The following TENM3 variants were observed in gnomAD, a reference collection of about 807,000 sequenced individuals.
TENM3 encodes the protein teneurin-3.
A neutral mutation model predicts 255.1 loss-of-function variants in TENM3; 63 were observed. The ratio of observed to expected loss-of-function variants is 0.25; its 90% CI spans 0.20 to 0.30. TENM3 has a LOEUF of 0.30. Ranked by LOEUF, TENM3 falls within the 10% of genes least tolerant of loss-of-function variation. The probability of loss-of-function intolerance (pLI) is 1.00; values close to 1 mark genes in which losing one functional copy is unlikely to be tolerated. For missense variants in TENM3, 2,929 were observed against 3,461.1 expected (o/e 0.85, Z 3.86); for synonymous variants, 1,306 against 1,322.3 (o/e 0.99, Z 0.27).
At chr4:181,720,734 C>T in the TENM3 span, among the ~76,000 whole-genome samples, 4 of 152,066 alleles carry the variant, frequency 2.6e-5, no homozygotes, top group African/African-American at 9.6e-5. Context: ...TTTTTTGAAA[C>T]AGCCAAAAGT....
chr4:182,313,265 A>T (rs1006671761), intron 1 of TENM3, among the ~76,000 whole-genome samples: 7 of 151,912 alleles, frequency 4.6e-5, no homozygotes, highest in Non-Finnish European at 1.0e-4. Context: ...ATTCACAGTT[A>T]TTCAGTAGCT....
the TENM3 span, among the ~76,000 whole-genome samples, chr4:181,715,344 A>T: frequency 6.6e-6 from 1 of 152,190 alleles, no homozygotes; most frequent in South Asian, 2.1e-4. Flanking sequence ...TGCAGTGAAT[A>T]GCCTTGTGTC....
At chr4:182,234,281 T>A (rs1756759670) in intron 1 of TENM3, among the ~76,000 whole-genome samples, 2 of 152,186 alleles carry the variant, frequency 1.3e-5, no homozygotes, top group Admixed American at 1.3e-4. Flanking sequence ...GAGGGAATAG[T>A]CGTACAGAGC....
At chr4:182,579,980 A>G (rs1318968309) in intron 3 of TENM3, among the ~76,000 whole-genome samples, 2 of 152,164 alleles carry the variant, frequency 1.3e-5, no homozygotes, top group African/African-American at 4.8e-5. Context: ...GGTCCTTTTG[A>G]GAAAATTTGC....
At chr4:182,492,240 T>C (rs72701931) in intron 3 of TENM3, among the ~76,000 whole-genome samples, 3,457 of 152,270 alleles carry the variant, frequency 0.023, 50 homozygotes, top group Non-Finnish European at 0.036. Context: ...ATTGTGCAAG[T>C]GGTTCAGTAA....
the TENM3 span, among the ~76,000 whole-genome samples, chr4:181,532,880 G>T: frequency 6.6e-6 from 1 of 152,116 alleles, no homozygotes; most frequent in Non-Finnish European, 1.5e-5. Flanking sequence ...TGCATTCTGA[G>T]AATTCTGTAT....
intron 1 of TENM3, among the ~76,000 whole-genome samples, chr4:182,273,289 T>G (rs2726785): frequency 6.6e-6 from 1 of 152,344 alleles, no homozygotes; most frequent in South Asian, 2.1e-4. Context: ...TTTCACTACT[T>G]ATACATGCTA....
intron 3 of TENM3, among the ~76,000 whole-genome samples, chr4:182,522,484 A>G (rs1021453554): frequency 5.9e-5 from 9 of 152,136 alleles, no homozygotes; most frequent in Non-Finnish European, 1.2e-4. Context: ...AATGACCTCC[A>G]CCTCCATCCA....
intron 1 of TENM3, among the ~76,000 whole-genome samples, chr4:182,167,821 G>T (rs1345731100): frequency 6.6e-6 from 1 of 152,156 alleles, no homozygotes; most frequent in African/African-American, 2.4e-5. Flanking sequence ...GGAGGTGGAG[G>T]TGCAGTGAGC....
intron 3 of TENM3, among the ~76,000 whole-genome samples, chr4:182,433,885 G>T (rs1245748419): frequency 6.6e-6 from 1 of 152,148 alleles, no homozygotes; most frequent in Non-Finnish European, 1.5e-5. Flanking sequence ...GGAGACCAAA[G>T]TGGAGGATGA....
the TENM3 span, among the ~76,000 whole-genome samples, chr4:181,978,590 T>C: frequency 7.3e-6 from 1 of 136,128 alleles, no homozygotes; most frequent in African/African-American, 2.8e-5. Flanking sequence ...GAGGTTGCAG[T>C]AAGCCGAGAT....
At chr4:181,713,374 T>C in the TENM3 span, among the ~76,000 whole-genome samples, 3 of 152,306 alleles carry the variant, frequency 2.0e-5, no homozygotes, top group East Asian at 3.9e-4. Context: ...AACAAAGATA[T>C]ATGATTTCTG....
chr4:182,470,554 T>G (rs1733020464), intron 3 of TENM3, among the ~76,000 whole-genome samples: 1 of 152,144 alleles, frequency 6.6e-6, no homozygotes, highest in African/African-American at 2.4e-5. Context: ...AAACATACAT[T>G]AATGGCTGCT....
chr4:181,659,410 C>G, the TENM3 span, among the ~76,000 whole-genome samples: 1 of 152,146 alleles, frequency 6.6e-6, no homozygotes, highest in African/African-American at 2.4e-5. Context: ...GATCCAAGAA[C>G]ACTCTCTTGG....
the TENM3 span, among the ~76,000 whole-genome samples, chr4:181,949,919 C>T: frequency 9.7e-3 from 1,472 of 152,284 alleles, 17 homozygotes; most frequent in African/African-American, 0.034. Context: ...GGCCTCTGCA[C>T]AGCCACCTCC....
chr4:182,233,329 T>C (rs756190700), intron 1 of TENM3, among the ~76,000 whole-genome samples: 7 of 152,180 alleles, frequency 4.6e-5, no homozygotes, highest in Non-Finnish European at 8.8e-5. Context: ...TGGTGGCGGC[T>C]CCTGGCCTGC....
the TENM3 span, among the ~76,000 whole-genome samples, chr4:181,626,186 A>C: frequency 1.3e-5 from 2 of 152,154 alleles, no homozygotes; most frequent in Admixed American, 6.5e-5. Flanking sequence ...GGCTGGAAGA[A>C]GGCTGCGGTG....
At chr4:181,841,167 C>A in the TENM3 span, among the ~76,000 whole-genome samples, 1 of 152,004 alleles carries the variant, frequency 6.6e-6, no homozygotes, top group Non-Finnish European at 1.5e-5. Flanking sequence ...AGTTGAATAT[C>A]TTTGTCTGTA....
intron 12 of TENM3, among the ~76,000 whole-genome samples, chr4:182,710,863 T>A (rs934099126): frequency 6.6e-6 from 1 of 152,206 alleles, no homozygotes; most frequent in African/African-American, 2.4e-5. Context: ...CATAGCCTAA[T>A]TGTAGCCTCA....
Sources: allele counts gnomAD v4.1 joint callset (sites outside exome capture counted in the v4.1 genomes callset), GRCh38; gene constraint gnomAD v4.1.1; transcripts MANE v1.5; gene names NCBI Gene and HGNC (gene_info 2026-07-23, HGNC 2026-07-21).